Variants in MAN1A1 observed in about 807,000 individuals in gnomAD.
MAN1A1 encodes mannosyl-oligosaccharide 1,2-alpha-mannosidase IA.
MAN1A1 carries 29 observed loss-of-function variants against 70.8 expected under a neutral mutation model. The ratio of observed to expected loss-of-function variants is 0.41; its 90% CI spans 0.31 to 0.56. The LOEUF (loss-of-function observed/expected upper bound fraction) is 0.56. Among genes scored for constraint, MAN1A1 ranks in the 20% least tolerant of loss-of-function variants. The pLI, the probability that MAN1A1 is intolerant of heterozygous loss-of-function variation, is 0.29. For synonymous variants in MAN1A1, 349 were observed against 330.1 expected (o/e 1.06, Z -0.62); for missense variants, 747 against 841.3 (o/e 0.89, Z 1.39).
At chr6:119,232,388 A>AAG (rs1554206645) in intron 6 of MAN1A1, among the ~76,000 whole-genome samples, 32 of 146,262 alleles carry the variant, frequency 2.2e-4, no homozygotes, top group African/African-American at 7.1e-4. Context: ...AAAAAAAAAA[A>AAG]AAAAGAAAAA....
chr6:119,253,549 CA>C (rs1172318778), intron 5 of MAN1A1, among the ~76,000 whole-genome samples: 1 of 152,192 alleles, frequency 6.6e-6, no homozygotes, highest in Non-Finnish European at 1.5e-5. Flanking sequence ...AACATTTCCA[CA>C]ATCAGAAGGA....
At chr6:119,297,805 T>TTG (rs1207389605) in intron 4 of MAN1A1, among the ~76,000 whole-genome samples, 5 of 59,290 alleles carry the variant, frequency 8.4e-5, no homozygotes, top group South Asian at 3.5e-4. Context: ...TTTTGTTTTG[T>TTG]TTTGTTTTTT....
chr6:119,201,635 A>G (rs560227221), intron 7 of MAN1A1, among the ~76,000 whole-genome samples: 64 of 152,310 alleles, frequency 4.2e-4, no homozygotes, highest in South Asian at 8.3e-4. Context: ...CAATAAATCA[A>G]TAAGTCTAGT....
intron 9 of MAN1A1, among the ~76,000 whole-genome samples, chr6:119,190,902 C>T (rs565129032): frequency 3.9e-5 from 6 of 152,246 alleles, no homozygotes; most frequent in Admixed American, 3.3e-4. Flanking sequence ...CCCACAATTA[C>T]TTCATGGAAG....
chr6:119,312,838 T>C (rs977056414), intron 2 of MAN1A1, among the ~76,000 whole-genome samples: 4 of 152,172 alleles, frequency 2.6e-5, no homozygotes, highest in Non-Finnish European at 5.9e-5. Flanking sequence ...ATATGGGAAC[T>C]CTCTATACTT....
At chr6:119,212,088 C>T (rs1774070223) in intron 6 of MAN1A1, among the ~76,000 whole-genome samples, 1 of 151,838 alleles carries the variant, frequency 6.6e-6, no homozygotes, top group African/African-American at 2.4e-5. Context: ...GATCTGCTCG[C>T]CTCAGCCTCC....
At chr6:119,324,381 G>A (rs779597435) in intron 2 of MAN1A1, among the ~76,000 whole-genome samples, 19 of 152,238 alleles carry the variant, frequency 1.2e-4, no homozygotes, top group Non-Finnish European at 2.5e-4. Flanking sequence ...TAAGGCTTCC[G>A]GTCAGCAGTA....
intron 5 of MAN1A1, among the ~76,000 whole-genome samples, chr6:119,248,833 A>T (rs1775240961): frequency 1.3e-5 from 2 of 152,230 alleles, no homozygotes. Context: ...TGAAAAAGAC[A>T]TTATCACAGG....
At chr6:119,180,188 T>C in intron 12 of MAN1A1, 124 bp downstream of exon 12, 2 of 752,530 alleles carry the variant, frequency 2.7e-6, no homozygotes, top group Non-Finnish European at 4.4e-6. Context: ...CCTGCAATTA[T>C]AGCCATGCCT....
chr6:119,214,661 C>T (rs1033883154), intron 6 of MAN1A1, among the ~76,000 whole-genome samples: 6 of 152,018 alleles, frequency 3.9e-5, no homozygotes, highest in African/African-American at 1.4e-4. Flanking sequence ...CATACCACCA[C>T]GGCTGGCTAA....
chr6:119,214,321 C>T (rs1442940347), intron 6 of MAN1A1, among the ~76,000 whole-genome samples: 1 of 152,058 alleles, frequency 6.6e-6, no homozygotes, highest in Non-Finnish European at 1.5e-5. Context: ...ATGCTCTGAA[C>T]TTCTGGTAGC....
chr6:119,304,369 T>A (rs946424856), intron 3 of MAN1A1, among the ~76,000 whole-genome samples: 3 of 152,194 alleles, frequency 2.0e-5, no homozygotes, highest in African/African-American at 7.2e-5. Context: ...TATATCAGCT[T>A]CATATTTTCA....
intron 6 of MAN1A1, among the ~76,000 whole-genome samples, chr6:119,221,878 T>C (rs1226025134): frequency 6.6e-6 from 1 of 152,212 alleles, no homozygotes; most frequent in African/African-American, 2.4e-5. Flanking sequence ...TAACAAATAT[T>C]AGTAATTATT....
chr6:119,302,359 A>C (rs989352812), intron 3 of MAN1A1, among the ~76,000 whole-genome samples: 12 of 152,102 alleles, frequency 7.9e-5, no homozygotes, highest in African/African-American at 2.4e-4. Context: ...TTCTCTTAGA[A>C]ATTTCATTAG....
chr6:119,226,075 T>A (rs764094486), intron 6 of MAN1A1, among the ~76,000 whole-genome samples: 22 of 152,314 alleles, frequency 1.4e-4, no homozygotes, highest in South Asian at 1.0e-3. Context: ...CATTTTAAAG[T>A]TCCTATAATT....
At chr6:119,349,954 C>A (rs1035719868), upstream of MAN1A1, among the ~76,000 whole-genome samples, 8 of 151,916 alleles carry the variant, frequency 5.3e-5, no homozygotes, top group African/African-American at 1.2e-4. Context: ...GCGGGGAGGT[C>A]GCGGGGCCGG....
intron 6 of MAN1A1, among the ~76,000 whole-genome samples, chr6:119,208,128 C>G (rs544152738): frequency 3.3e-5 from 5 of 152,064 alleles, no homozygotes; most frequent in African/African-American, 1.2e-4. Context: ...CAAGCCAAGA[C>G]GACAAGTTGG....
chr6:119,183,929 T>G (rs1773219051), intron 11 of MAN1A1, among the ~76,000 whole-genome samples: 1 of 152,060 alleles, frequency 6.6e-6, no homozygotes, highest in Non-Finnish European at 1.5e-5. Context: ...GAAGAAATGC[T>G]TAGACAATAA....
At chr6:119,199,830 T>G (rs1418338384) in intron 8 of MAN1A1, among the ~76,000 whole-genome samples, 1 of 151,652 alleles carries the variant, frequency 6.6e-6, no homozygotes, top group African/African-American at 2.4e-5. Context: ...GGTGGGAAGA[T>G]AGCTTGAGCC....
Sources: allele counts gnomAD v4.1 joint callset (sites outside exome capture counted in the v4.1 genomes callset), GRCh38; gene constraint gnomAD v4.1.1; transcripts MANE v1.5; gene names NCBI Gene and HGNC (gene_info 2026-07-23, HGNC 2026-07-21).